Variants in ZNF536 observed in about 807,000 individuals in gnomAD.
ZNF536 encodes the protein zinc finger protein 536.
A neutral mutation model predicts 84.5 loss-of-function variants in ZNF536; 13 were observed. The ratio of observed to expected loss-of-function variants is 0.15; its 90% CI spans 0.10 to 0.24. ZNF536 has a LOEUF of 0.24. Among genes scored for constraint, ZNF536 ranks in the 10% least tolerant of loss-of-function variants. The pLI is 1.00. For synonymous variants in ZNF536, 811 were observed against 742.5 expected (o/e 1.09, Z -1.50); for missense variants, 1,536 against 1,747.5 (o/e 0.88, Z 2.16).
At chr19:30,225,696 G>A (rs1330848662), upstream of ZNF536, among the ~76,000 whole-genome samples, 1 of 141,292 alleles carries the variant, frequency 7.1e-6, no homozygotes, top group Admixed American at 7.0e-5. Context: ...GTGGGGGGGG[G>A]ATCGCGGGGC....
intron 1 of ZNF536, among the ~76,000 whole-genome samples, chr19:30,282,383 G>A (rs1479430535): frequency 6.7e-6 from 1 of 149,924 alleles, no homozygotes; most frequent in Non-Finnish European, 1.5e-5. Flanking sequence ...GAACCTGAGG[G>A]GTTTGTGCCC....
chr19:30,582,157 G>C (rs965957986), intron 1 of ZNF536, among the ~76,000 whole-genome samples: 1 of 152,058 alleles, frequency 6.6e-6, no homozygotes, highest in Admixed American at 6.6e-5. Context: ...TGGCAGCTGG[G>C]AAAACAATGT....
chr19:30,633,494 A>G (rs1600098763), intron 1 of ZNF536, among the ~76,000 whole-genome samples: 1 of 152,298 alleles, frequency 6.6e-6, no homozygotes, highest in South Asian at 2.1e-4. Flanking sequence ...ATGTAATGCA[A>G]TTGATCTAAA....
intron 1 of ZNF536, among the ~76,000 whole-genome samples, chr19:30,241,996 C>T (rs931236485): frequency 1.3e-5 from 2 of 151,888 alleles, no homozygotes; most frequent in East Asian, 1.9e-4. Context: ...CTTGGTGGCG[C>T]GATCTTTCTT....
chr19:30,664,250 CT>C lies in ZNF536; in HGVS notation c.170-46506del, dbSNP rs2050236317. Reference sequence around the variant, plus strand: ...TCTCTCTCTCTCTCTCTCTCTCTCTCTCTCTCTCTCTCCCTCTCCCTCTCTC... The same window carrying C: ...TCTCTCTCTCTCTCTCTCTCTCTCTCCTCTCTCTCTCCCTCTCCCTCTCTC... On this transcript the variant is annotated intron_variant, in intron 1 of 1. Transcript: ENST00000592773. Among the ~76,000 whole-genome samples, 3 of 146,778 alleles carry C rather than the reference CT, an allele frequency of 2.0e-5. No individual in the cohort carries two copies. The Admixed American group carries it at 2.1e-4, about 10-fold the overall frequency.
chr19:30,261,112 A>C (rs953473489), intron 1 of ZNF536, among the ~76,000 whole-genome samples: 1 of 151,568 alleles, frequency 6.6e-6, no homozygotes. Flanking sequence ...TCCTGGCTAA[A>C]ATGGTGAAAC....
chr19:30,552,047 A>G (rs916803576), intron 4 of ZNF536, among the ~76,000 whole-genome samples: 3 of 151,638 alleles, frequency 2.0e-5, no homozygotes, highest in Non-Finnish European at 2.9e-5. Context: ...TTTTTTTCTT[A>G]AATAGTGTAA....
chr19:30,550,391 C>T (rs1599772628), intron 4 of ZNF536, among the ~76,000 whole-genome samples: 1 of 152,210 alleles, frequency 6.6e-6, no homozygotes, highest in Non-Finnish European at 1.5e-5. Flanking sequence ...TGTCTTGGCA[C>T]CCTGATATCT....
Position 30,513,405 on chromosome 19 carries a change from G to T in ZNF536, c.2171-21442G>T, listed in dbSNP as rs2055500618. 2.0e-5 allele frequency among the ~76,000 whole-genome samples: 3 copies of T among 152,160 alleles called. No individual in the cohort carries two copies. In the South Asian group the frequency reaches 6.2e-4, roughly 32 times the overall value. ...TGCAGGACAGCAGGCACCTTTTTCT[G>T]GTGGGATTTGTATTTGGGATGGACA... On this transcript the variant is annotated intron_variant, in intron 2 of 4. Transcript: ENST00000355537.
intron 1 of ZNF536, among the ~76,000 whole-genome samples, chr19:30,440,749 A>T (rs2051998084): frequency 6.6e-6 from 1 of 152,118 alleles, no homozygotes; most frequent in Non-Finnish European, 1.5e-5. Flanking sequence ...GACCCACAAG[A>T]ATAAGAACAG....
rs75419562 is a variant in ZNF536 at position 30,450,324 on chromosome 19, G to C, written c.2170+4592G>C. On this transcript the variant is annotated intron_variant, in intron 2 of 4. Transcript: ENST00000355537. ...AGGCTGCAGCAACAGGGGGCTGGAG[G>C]GGGGGAGAGGGGAGCTGGCTGCAGA... Among the ~76,000 whole-genome samples the C allele has an allele frequency of 1.9e-3, 287 of 152,224 alleles. 4 individuals are homozygous for C. Among genetic ancestry groups the C allele is most frequent in the African/African-American group, 5.1e-3 (214 of 41,554 alleles).
chr19:30,523,706 C>T (rs2044460326), intron 2 of ZNF536, among the ~76,000 whole-genome samples: 1 of 151,896 alleles, frequency 6.6e-6, no homozygotes, highest in Non-Finnish European at 1.5e-5. Context: ...TTAATGCCTG[C>T]ACCTGGCAGT....
chr19:30,353,866 T>G (rs904287610), intron 3 of ZNF536, among the ~76,000 whole-genome samples: 1 of 152,088 alleles, frequency 6.6e-6, no homozygotes, highest in South Asian at 2.1e-4. Context: ...ATGCTCACAG[T>G]TTTGGAAGGC....
At chr19:30,512,738 A>C (rs1393151878) in intron 2 of ZNF536, among the ~76,000 whole-genome samples, 1 of 152,232 alleles carries the variant, frequency 6.6e-6, no homozygotes, top group East Asian at 1.9e-4. Context: ...CTTGTCAGGT[A>C]GTAAAGCTGG....
intron 1 of ZNF536, among the ~76,000 whole-genome samples, chr19:30,661,478 TATAA>T (rs1207523382): frequency 6.6e-6 from 1 of 152,206 alleles, no homozygotes; most frequent in Non-Finnish European, 1.5e-5. Flanking sequence ...GTGTTATTAA[TATAA>T]ATAGGTGCAA....
rs1306038236 is a variant in ZNF536 at position 30,444,872 on chromosome 19, G to T, written c.1310G>T (p.Gly437Val). The T allele has an allele frequency of 1.9e-6, 3 of 1,612,908 alleles. No homozygotes were observed. The highest frequency in any genetic ancestry group is 1.7e-5 in the Admixed American group (1 of 59,978). The change falls in exon 2 of 5, where the codon GGC becomes GTC. Residue 437 changes from glycine (G) to valine (V), a missense_variant. This residue lies in a region of ZNF536 where 366 missense variants were observed against 364.4 expected (regional missense o/e 1.00). Transcript: ENST00000355537. ...AGGTACCTCTCCTGCCTGCAGAGTG[G>T]CTTCATGACCCCGGACAAAGCCGGC... ...YSRYLSCLQS[G>V]FMTPDKAGLS... is the part of the protein sequence containing the mutation.
Position 30,589,597 on chromosome 19 carries a change from T to TCTC in ZNF536, c.169+40083_169+40084insCTC, listed in dbSNP as rs1468181654. ...TGGGGGTGATCTCAGGAAGCACAGGTAGGGGATAAAGAAATGAAGCAAGGA... is the reference window on the plus strand; with the variant it reads ...TGGGGGTGATCTCAGGAAGCACAGGTCTCAGGGGATAAAGAAATGAAGCAAGGA... On this transcript the variant is annotated intron_variant, in intron 1 of 1. Transcript: ENST00000592773. 9.2e-5 allele frequency among the ~76,000 whole-genome samples: 14 copies of TCTC among 152,144 alleles called. No homozygotes were observed. The East Asian group carries it at 2.7e-3, about 29-fold the overall frequency.
intron 2 of ZNF536, among the ~76,000 whole-genome samples, chr19:30,487,990 T>C (rs755122808): frequency 1.3e-5 from 2 of 152,224 alleles, no homozygotes; most frequent in Non-Finnish European, 2.9e-5. Flanking sequence ...GCTTAAAATA[T>C]CAGGATGCAA....
At chr19:30,425,293 G>A (rs760881392) in intron 1 of ZNF536, among the ~76,000 whole-genome samples, 3 of 151,974 alleles carry the variant, frequency 2.0e-5, no homozygotes, top group Non-Finnish European at 4.4e-5. Flanking sequence ...GCAGGGAGAA[G>A]GCTGGAAGGG....
Sources: allele counts gnomAD v4.1 joint callset (sites outside exome capture counted in the v4.1 genomes callset), GRCh38; gene constraint gnomAD v4.1.1; regional missense constraint gnomAD v4.1.1; transcripts MANE v1.5; gene names NCBI Gene and HGNC (gene_info 2026-07-23, HGNC 2026-07-21).